Variants in UNC5C observed in about 807,000 individuals in gnomAD.
UNC5C encodes the protein netrin receptor UNC5C.
A neutral mutation model predicts 99.8 loss-of-function variants in UNC5C; 47 were observed. That is an observed-to-expected ratio of 0.47 (90% confidence interval 0.37 to 0.60). The LOEUF (loss-of-function observed/expected upper bound fraction) is 0.60. UNC5C is among the 20% of genes least tolerant of loss of function. The pLI, the probability that UNC5C is intolerant of heterozygous loss-of-function variation, is 0.00. For missense variants in UNC5C, 1,062 were observed against 1,165.9 expected (o/e 0.91, Z 1.30); for synonymous variants, 487 against 452.2 (o/e 1.08, Z -0.98).
intron 1 of UNC5C, among the ~76,000 whole-genome samples, chr4:95,491,430 C>T (rs1721488862): frequency 1.3e-5 from 2 of 151,526 alleles, no homozygotes; most frequent in Admixed American, 6.6e-5. Flanking sequence ...TAAAGACTTA[C>T]ATATGGAAAA....
intron 7 of UNC5C, among the ~76,000 whole-genome samples, chr4:95,236,621 A>C (rs896756835): frequency 6.6e-4 from 100 of 151,866 alleles, no homozygotes; most frequent in Admixed American, 5.9e-4. Flanking sequence ...AAAGAATAGA[A>C]AGCATATAGA....
intron 4 of UNC5C, among the ~76,000 whole-genome samples, chr4:95,265,161 T>C (rs6532538): frequency 0.55 from 84,252 of 151,984 alleles, 23,812 homozygotes; most frequent in African/African-American, 0.64. Context: ...TATGCACTGG[T>C]TGAGTGACTT....
At chr4:95,337,173 A>G (rs545152407) in intron 1 of UNC5C, among the ~76,000 whole-genome samples, 2 of 151,906 alleles carry the variant, frequency 1.3e-5, no homozygotes, top group Non-Finnish European at 2.9e-5. Flanking sequence ...CAAATTCTAT[A>G]GAAGTTAGCT....
At position 95,202,122 on chromosome 4, in the gene UNC5C, T is replaced by TCA. The variant is rs777626715; in HGVS notation, c.2136+607_2136+608dup. Among the ~76,000 whole-genome samples, 39 of 152,218 alleles carry TCA rather than the reference T, an allele frequency of 2.6e-4. 1 individual carries two copies. Among genetic ancestry groups the TCA allele is most frequent in the Non-Finnish European group, 1.3e-4 (9 of 68,046 alleles). On this transcript the variant is annotated intron_variant, in intron 12 of 15. Coordinates refer to ENST00000453304, the MANE Select transcript of UNC5C (RefSeq NM_003728.4). ...TGCATGTCAGCCACTGTGGCATTTC[T>TCA]CACCCTCTGACTTACCTCCTCAACC... is the stretch of plus-strand genomic sequence containing the variant.
intron 1 of UNC5C, among the ~76,000 whole-genome samples, chr4:95,505,764 C>T (rs1280020352): frequency 6.6e-6 from 1 of 151,998 alleles, no homozygotes; most frequent in African/African-American, 2.4e-5. Flanking sequence ...ACTGCTGGGA[C>T]TGTCAATTTT....
At chr4:95,336,358 A>G (rs1307861866) in intron 1 of UNC5C, among the ~76,000 whole-genome samples, 1 of 151,946 alleles carries the variant, frequency 6.6e-6, no homozygotes, top group Non-Finnish European at 1.5e-5. Flanking sequence ...CAGCCTAATA[A>G]TAATCTTCCA....
intron 2 of UNC5C, among the ~76,000 whole-genome samples, chr4:95,319,093 A>G (rs1742585170): frequency 6.6e-6 from 1 of 152,190 alleles, no homozygotes; most frequent in Non-Finnish European, 1.5e-5. Context: ...TTTGAACAGA[A>G]CATCTATGTA....
intron 7 of UNC5C, among the ~76,000 whole-genome samples, chr4:95,240,664 T>C (rs1739298884): frequency 6.6e-6 from 1 of 151,932 alleles, no homozygotes; most frequent in Non-Finnish European, 1.5e-5. Flanking sequence ...CTAAAAAATC[T>C]CCTCCTATAG....
chr4:95,179,416 A>G (rs1380298534), intron 14 of UNC5C, among the ~76,000 whole-genome samples: 1 of 152,382 alleles, frequency 6.6e-6, no homozygotes, highest in Admixed American at 6.5e-5. Flanking sequence ...AAACTTAATT[A>G]TAATTGCTTT....
chr4:95,543,151 C>T (rs565535747), intron 1 of UNC5C, among the ~76,000 whole-genome samples: 1 of 151,922 alleles, frequency 6.6e-6, no homozygotes, highest in South Asian at 2.1e-4. Flanking sequence ...ATAACAAATC[C>T]AAGTAAGAAA....
At chr4:95,488,110 G>A (rs1721376994) in intron 1 of UNC5C, among the ~76,000 whole-genome samples, 1 of 151,634 alleles carries the variant, frequency 6.6e-6, no homozygotes, top group Non-Finnish European at 1.5e-5. Context: ...TCAAACTACG[G>A]TAAGCCCAAA....
intron 1 of UNC5C, among the ~76,000 whole-genome samples, chr4:95,417,246 A>G (rs192019744): frequency 6.6e-6 from 1 of 152,344 alleles, no homozygotes; most frequent in East Asian, 1.9e-4. Context: ...GCACATGGAA[A>G]TGATTTTGCC....
At chr4:95,324,214 G>C (rs1006956910) in intron 2 of UNC5C, among the ~76,000 whole-genome samples, 6 of 152,080 alleles carry the variant, frequency 3.9e-5, no homozygotes, top group Admixed American at 2.6e-4. Context: ...TCTGCCTCCT[G>C]TCAGATCAGC....
At chr4:95,365,759 A>G (rs1323897763) in intron 1 of UNC5C, among the ~76,000 whole-genome samples, 1 of 152,168 alleles carries the variant, frequency 6.6e-6, no homozygotes, top group East Asian at 1.9e-4. Flanking sequence ...AATAAACAAC[A>G]TTAAAGTAAG....
rs1843018 is a variant in UNC5C, at chr4:95,335,522, G to A, written c.234C>T (p.Pro78=). ...PEEAYIVKNK[P]VNLYCKASPA... ...GGCTTGCTTTACAGTACAGGTTCAC[G>A]GGCTTATTCTTCACAATATAAGCTT... Residue 78 remains proline, a synonymous_variant, in exon 2 of 16, where the codon CCC becomes CCT. Coordinates refer to ENST00000453304, the MANE Select transcript of UNC5C (RefSeq NM_003728.4). 0.82 allele frequency: 1,322,595 copies of A among 1,612,046 alleles called. 545,353 individuals are homozygous for A. The highest frequency in any genetic ancestry group is 1 in the East Asian group (44,755 of 44,782).
At chr4:95,381,192 T>A (rs1745060226) in intron 1 of UNC5C, among the ~76,000 whole-genome samples, 1 of 152,234 alleles carries the variant, frequency 6.6e-6, no homozygotes, top group African/African-American at 2.4e-5. Flanking sequence ...CAGAGTGAGA[T>A]GTATGCTTGC....
chr4:95,323,491 G>A (rs1036831610), intron 2 of UNC5C, among the ~76,000 whole-genome samples: 2 of 152,160 alleles, frequency 1.3e-5, no homozygotes, highest in East Asian at 1.9e-4. Context: ...TTAATGAAGA[G>A]CATGCCAATA....
chr4:95,469,376 T>C (rs1323036134), intron 1 of UNC5C, among the ~76,000 whole-genome samples: 1 of 152,172 alleles, frequency 6.6e-6, no homozygotes, highest in Non-Finnish European at 1.5e-5. Context: ...ATCTTTCACC[T>C]TCCTTTTGGT....
chr4:95,403,084 T>C (rs1469032604), intron 1 of UNC5C, among the ~76,000 whole-genome samples: 1 of 152,118 alleles, frequency 6.6e-6, no homozygotes, highest in African/African-American at 2.4e-5. Context: ...AAGAGAAAAT[T>C]AGACACGTGG....
Sources: allele counts gnomAD v4.1 joint callset (sites outside exome capture counted in the v4.1 genomes callset), GRCh38; gene constraint gnomAD v4.1.1; transcripts MANE v1.5; gene names NCBI Gene and HGNC (gene_info 2026-07-23, HGNC 2026-07-21).